Variants in IL1RAPL2 observed in about 807,000 individuals in gnomAD.
The protein encoded by IL1RAPL2 is X-linked interleukin-1 receptor accessory protein-like 2.
A neutral mutation model predicts 44.1 loss-of-function variants in IL1RAPL2; 3 were observed. That is an observed-to-expected ratio of 0.07 (90% CI 0.03 to 0.18). IL1RAPL2 has a LOEUF of 0.18. Ranked by LOEUF, IL1RAPL2 falls within the 10% of genes least tolerant of loss-of-function variation. The probability of loss-of-function intolerance (pLI) is 1.00; values close to 1 mark genes in which losing one functional copy is unlikely to be tolerated. For missense variants in IL1RAPL2, 391 were observed against 496.4 expected, an observed-to-expected ratio of 0.79 and a Z score of 2.02; for synonymous variants, 181 against 178.8, an observed-to-expected ratio of 1.01 and a Z score of -0.10.
chrX:105,504,019 G>A (rs183815778), intron 6 of IL1RAPL2, among the ~76,000 whole-genome samples: 2 of 111,734 alleles, frequency 1.8e-5, no homozygotes, highest in Non-Finnish European at 3.8e-5. Context: ...CTGGAGTTTA[G>A]GTACATACAT....
chrX:104,932,923 G>A (rs944745242), intron 2 of IL1RAPL2, among the ~76,000 whole-genome samples: 3 of 111,592 alleles, frequency 2.7e-5, no homozygotes, highest in African/African-American at 6.5e-5. Flanking sequence ...TCTGAAAAAC[G>A]GGATTTGGCT....
Position 104,688,485 on chromosome X carries a change from A to C in IL1RAPL2, c.82+29490A>C, listed in dbSNP as rs1461156170. Among the ~76,000 whole-genome samples the C allele has an allele frequency of 2.7e-5, 3 of 111,280 alleles. No individual in the cohort carries two copies. In the East Asian group the frequency reaches 8.5e-4, roughly 31 times the overall value. On this transcript the variant is annotated intron_variant, in intron 2 of 10. Transcript: ENST00000372582. ...ATGAGGGCAGAAATCATGCCTCTCT[A>C]CTGATCCTACACCCCCAACGCTTAA...
intron 7 of IL1RAPL2, among the ~76,000 whole-genome samples, chrX:105,722,872 T>G (rs1475203909): frequency 5.4e-5 from 6 of 110,755 alleles, no homozygotes; most frequent in African/African-American, 2.0e-4. Flanking sequence ...ATCTCTAGAA[T>G]TCCTTCTTCT....
At chrX:105,084,244 A>C (rs373038320) in intron 2 of IL1RAPL2, among the ~76,000 whole-genome samples, 3 of 112,486 alleles carry the variant, frequency 2.7e-5, no homozygotes, top group African/African-American at 6.5e-5. Flanking sequence ...GAGGAGGGCC[A>C]CTGTCCTCCA....
chrX:105,391,439 A>T (rs1348666822), intron 5 of IL1RAPL2, among the ~76,000 whole-genome samples: 1 of 101,672 alleles, frequency 9.8e-6, no homozygotes, highest in Non-Finnish European at 2.0e-5. Flanking sequence ...TCAAAACCAC[A>T]ATGAGATACC....
chrX:105,025,573 G>A lies in IL1RAPL2; in HGVS notation c.83-169902G>A, dbSNP rs747054289. Among the ~76,000 whole-genome samples the A allele has an allele frequency of 6.3e-5, 7 of 110,919 alleles. No individual in the cohort carries two copies. The South Asian group carries it at 2.6e-3, about 41-fold the overall frequency. ...CCTTTTTCCTCTTTTTGGGTATGGGGCTGTAAAGTTTATTTGATTTCTTAA... is the reference window on the plus strand; with the variant it reads ...CCTTTTTCCTCTTTTTGGGTATGGGACTGTAAAGTTTATTTGATTTCTTAA... On this transcript the variant is annotated intron_variant, in intron 2 of 10. Transcript: ENST00000372582.
At chrX:105,580,678 G>T (rs2037083207) in intron 6 of IL1RAPL2, among the ~76,000 whole-genome samples, 1 of 111,449 alleles carries the variant, frequency 9.0e-6, no homozygotes, top group African/African-American at 3.3e-5. Flanking sequence ...AGACCTTGAG[G>T]CTCCTCCAGG....
intron 2 of IL1RAPL2, among the ~76,000 whole-genome samples, chrX:104,712,164 A>C (rs768680715): frequency 9.5e-4 from 105 of 110,511 alleles, no homozygotes; most frequent in African/African-American, 3.2e-3. Flanking sequence ...CCTCTTCTCC[A>C]TGAGTTGTCA....
intron 2 of IL1RAPL2, among the ~76,000 whole-genome samples, chrX:104,906,191 G>C (rs1325198167): frequency 1.8e-5 from 2 of 111,507 alleles, no homozygotes; most frequent in Admixed American, 9.5e-5. Context: ...TTATCAGCTT[G>C]AGGAGATTTT....
intron 1 of IL1RAPL2, among the ~76,000 whole-genome samples, chrX:104,609,375 A>G (rs1929094174): frequency 1.8e-5 from 2 of 111,751 alleles, no homozygotes; most frequent in Admixed American, 9.5e-5. Context: ...TGTTCTCTGT[A>G]TATCCTGAAT....
chrX:104,958,603 A>G lies in IL1RAPL2; in HGVS notation c.83-236872A>G, dbSNP rs573037843. ...CTAGATAAGAAAAAAGAACCCCTCT[A>G]GTAGCTTCCTACCACTCTGGAATGC... is the stretch of plus-strand genomic sequence containing the variant. On this transcript the variant is annotated intron_variant, in intron 2 of 10. Coordinates refer to ENST00000372582, the MANE Select transcript of IL1RAPL2 (RefSeq NM_017416.2). 2.2e-4 allele frequency among the ~76,000 whole-genome samples: 23 copies of G among 102,710 alleles called. 1 individual carries two copies. In the South Asian group the frequency reaches 0.011, roughly 51 times the overall value. The allele number at this position is 102,710 out of a possible 115,157, so 89.2% of individuals were successfully genotyped here.
At chrX:104,702,522 C>G (rs1020070889) in intron 2 of IL1RAPL2, among the ~76,000 whole-genome samples, 2 of 112,367 alleles carry the variant, frequency 1.8e-5, no homozygotes, top group East Asian at 5.6e-4. Context: ...TTGCTTCAGA[C>G]TGACTGATTA....
At chrX:105,500,027 A>T (rs1222311305) in intron 6 of IL1RAPL2, among the ~76,000 whole-genome samples, 1 of 112,069 alleles carries the variant, frequency 8.9e-6, no homozygotes, top group African/African-American at 3.2e-5. Context: ...GTCCTATGCG[A>T]CAACATGAAT....
At chrX:104,600,165 T>A (rs1355760916) in intron 1 of IL1RAPL2, among the ~76,000 whole-genome samples, 1 of 112,298 alleles carries the variant, frequency 8.9e-6, no homozygotes, top group Non-Finnish European at 1.9e-5. Context: ...CAGGGATAAA[T>A]AAAATACAAA....
chrX:104,671,278 C>T (rs982346238), intron 2 of IL1RAPL2, among the ~76,000 whole-genome samples: 7 of 110,921 alleles, frequency 6.3e-5, no homozygotes, highest in African/African-American at 2.0e-4. Context: ...TTTTGTACCC[C>T]TTGCCACACA....
chrX:105,076,143 A>G (rs764757030), intron 2 of IL1RAPL2, among the ~76,000 whole-genome samples: 68 of 110,900 alleles, frequency 6.1e-4, no homozygotes, highest in African/African-American at 2.2e-3. Context: ...TTAGGGTGTC[A>G]GTTTTAGATC....
intron 6 of IL1RAPL2, among the ~76,000 whole-genome samples, chrX:105,556,470 T>A (rs979670966): frequency 9.0e-6 from 1 of 111,012 alleles, no homozygotes; most frequent in Admixed American, 9.7e-5. Context: ...CTCCTGAGAT[T>A]CTTCATGAAA....
chrX:104,641,473 C>T (rs1404388756), intron 1 of IL1RAPL2, among the ~76,000 whole-genome samples: 1 of 112,026 alleles, frequency 8.9e-6, no homozygotes, highest in South Asian at 3.7e-4. Flanking sequence ...GTCCCTGCCA[C>T]TGGAGAGGGT....
intron 3 of IL1RAPL2, among the ~76,000 whole-genome samples, chrX:105,218,695 GTC>G (rs1226484483): frequency 2.7e-5 from 3 of 109,387 alleles, no homozygotes; most frequent in Non-Finnish European, 3.8e-5. Flanking sequence ...GTCTCCATGT[GTC>G]TCTCTCTCCC....
Sources: allele counts gnomAD v4.1 joint callset (sites outside exome capture counted in the v4.1 genomes callset), GRCh38; gene constraint gnomAD v4.1.1; transcripts MANE v1.5; gene names NCBI Gene and HGNC (gene_info 2026-07-23, HGNC 2026-07-21).